Variants in SLC8A3 observed in about 807,000 individuals in gnomAD.
SLC8A3 encodes the protein sodium/calcium exchanger 3.
Under a neutral mutation model 65.4 loss-of-function variants are expected in SLC8A3, and 37 were observed. That is an observed-to-expected ratio of 0.57 (90% CI 0.44 to 0.74). The LOEUF is 0.74. SLC8A3 is among the 30% of genes least tolerant of loss of function. The probability of loss-of-function intolerance (pLI) is 0.00; values close to 1 mark genes in which losing one functional copy is unlikely to be tolerated. For missense variants in SLC8A3, 1,112 were observed against 1,172.1 expected, an observed-to-expected ratio of 0.95 and a Z score of 0.75; for synonymous variants, 461 against 444.5, an observed-to-expected ratio of 1.04 and a Z score of -0.47.
At chr14:70,092,797 T>G (rs1351004405) in intron 2 of SLC8A3, among the ~76,000 whole-genome samples, 1 of 152,204 alleles carries the variant, frequency 6.6e-6, no homozygotes, top group East Asian at 1.9e-4. Context: ...ATTCCTGGTT[T>G]TCATCATCCC....
At chr14:70,139,556 C>T (rs1465278034) in intron 2 of SLC8A3, among the ~76,000 whole-genome samples, 1 of 152,120 alleles carries the variant, frequency 6.6e-6, no homozygotes, top group Non-Finnish European at 1.5e-5. Flanking sequence ...GGAACAGTAG[C>T]GTAAGGTATC....
At chr14:70,171,016 A>T (rs1378163238) in intron 1 of SLC8A3, among the ~76,000 whole-genome samples, 6 of 152,190 alleles carry the variant, frequency 3.9e-5, no homozygotes, top group Non-Finnish European at 5.9e-5. Context: ...ATTCATTCAG[A>T]GGTTTGACAC....
intron 1 of SLC8A3, among the ~76,000 whole-genome samples, chr14:70,180,402 A>T (rs969032596): frequency 6.6e-6 from 1 of 152,158 alleles, no homozygotes; most frequent in African/African-American, 2.4e-5. Context: ...AACTCTAGGG[A>T]TGCTCTGGGT....
intron 2 of SLC8A3, among the ~76,000 whole-genome samples, chr14:70,063,181 C>A (rs1404296068): frequency 6.6e-6 from 1 of 152,158 alleles, no homozygotes; most frequent in Non-Finnish European, 1.5e-5. Context: ...CATAGGAAGA[C>A]AAATGGATAT....
At chr14:70,055,447 T>C (rs1887994949) in intron 3 of SLC8A3, among the ~76,000 whole-genome samples, 1 of 152,208 alleles carries the variant, frequency 6.6e-6, no homozygotes, top group South Asian at 2.1e-4. Flanking sequence ...TGAATCTCAC[T>C]GTCTCTTCCC....
At chr14:70,174,495 G>A (rs1897742219) in intron 1 of SLC8A3, among the ~76,000 whole-genome samples, 3 of 152,002 alleles carry the variant, frequency 2.0e-5, no homozygotes, top group Admixed American at 2.0e-4. Flanking sequence ...GATGGGCCCA[G>A]AGCCACGTGA....
rs12587012 is a variant in SLC8A3, at chr14:70,138,995, T to C, written c.1784+27644A>G. Among the ~76,000 whole-genome samples the C allele has an allele frequency of 0.022, 3,346 of 152,308 alleles. 386 individuals are homozygous for C. In the East Asian group the frequency reaches 0.37, roughly 17 times the overall value. On this transcript the variant is annotated intron_variant, in intron 2 of 6. Coordinates refer to ENST00000356921, the MANE Select transcript of SLC8A3 (RefSeq NM_182932.3). ...TTTAATGGGATGTTGGATGGAACTT[T>C]TCCTGCTGTCCCAATGTTGGCAATT...
At chr14:70,113,938 C>T (rs904703194) in intron 2 of SLC8A3, among the ~76,000 whole-genome samples, 6 of 151,994 alleles carry the variant, frequency 3.9e-5, no homozygotes, top group Non-Finnish European at 7.4e-5. Context: ...CAGGTGTTCA[C>T]GGAATTTTCT....
At position 70,182,674 on chromosome 14, in the gene SLC8A3, A is replaced by G. The variant is rs138811070; in HGVS notation, c.-63+5705T>C. ...AGAAGGTGGAGAAAAGTGGGAAGTG[A>G]GTGGATGAGTGATGAGAAAATAGGG... On this transcript the variant is annotated intron_variant, in intron 1 of 6. Coordinates refer to ENST00000356921, the MANE Select transcript of SLC8A3 (RefSeq NM_182932.3). Among the ~76,000 whole-genome samples, 240 of 152,260 alleles carry G rather than the reference A, an allele frequency of 1.6e-3. 1 individual carries two copies. The highest frequency in any genetic ancestry group is 5.6e-3 in the African/African-American group (233 of 41,532).
At chr14:70,174,864 G>A (rs563773541) in intron 1 of SLC8A3, among the ~76,000 whole-genome samples, 4 of 152,156 alleles carry the variant, frequency 2.6e-5, no homozygotes, top group South Asian at 2.1e-4. Context: ...TGCTCTAAGC[G>A]CTCAGGTTGG....
At chr14:70,078,852 T>C (rs1890777014) in intron 2 of SLC8A3, among the ~76,000 whole-genome samples, 3 of 152,164 alleles carry the variant, frequency 2.0e-5, no homozygotes, top group South Asian at 4.1e-4. Context: ...ATCTGCAGGG[T>C]CTACCAATCA....
At chr14:70,137,606 C>T (rs1331848233) in intron 2 of SLC8A3, among the ~76,000 whole-genome samples, 1 of 152,120 alleles carries the variant, frequency 6.6e-6, no homozygotes, top group Non-Finnish European at 1.5e-5. Flanking sequence ...TATCAAGGTG[C>T]AAATGTGGTT....
chr14:70,060,872 G>C lies in SLC8A3; in HGVS notation c.1852C>G (p.Leu618Val). 6.5e-7 allele frequency: 1 copy of C among 1,533,036 alleles called. No individual in the cohort carries two copies. The highest frequency in any genetic ancestry group is 2.2e-5 in the East Asian group (1 of 44,564). The allele number at this position is 1,533,036 out of a possible 1,614,324, so 95.0% of individuals were successfully genotyped here. A position where few individuals can be genotyped will look rare whatever the true frequency, so the allele number is the denominator to read the frequency against. ...YERQENFFIA[L>V]GEPKWMERGI... Reference sequence around the variant, plus strand: ...CGTTCCATCCATTTCGGTTCACCAAGGGCAATGAAGAAATTCTCTTGCCTT... The same window carrying C: ...CGTTCCATCCATTTCGGTTCACCAACGGCAATGAAGAAATTCTCTTGCCTT... Residue 618 changes from leucine to valine, a missense_variant, in exon 3 of 7, where the codon CTT becomes GTT. By Grantham distance (32) the Leu-to-Val change is conservative. Coordinates refer to ENST00000356921, the MANE Select transcript of SLC8A3 (RefSeq NM_182932.3).
intron 2 of SLC8A3, among the ~76,000 whole-genome samples, chr14:70,156,098 G>A (rs1037370486): frequency 1.3e-5 from 2 of 152,166 alleles, no homozygotes; most frequent in Non-Finnish European, 2.9e-5. Context: ...AAAAAGGCCT[G>A]CGGTGGGGAG....
chr14:70,178,981 C>G (rs948645253), intron 1 of SLC8A3, among the ~76,000 whole-genome samples: 9 of 152,182 alleles, frequency 5.9e-5, no homozygotes, highest in East Asian at 1.9e-4. Flanking sequence ...CATCTAGCTT[C>G]TAACTTGCTG....
At chr14:70,068,510 TG>T (rs1418637161) in intron 2 of SLC8A3, among the ~76,000 whole-genome samples, 1 of 152,042 alleles carries the variant, frequency 6.6e-6, no homozygotes, top group African/African-American at 2.4e-5. Flanking sequence ...CTTGAGTAGC[TG>T]GGGCCACGGG....
intron 2 of SLC8A3, among the ~76,000 whole-genome samples, chr14:70,108,719 T>G (rs1893056563): frequency 6.6e-6 from 1 of 152,242 alleles, no homozygotes; most frequent in African/African-American, 2.4e-5. Context: ...TAAAGTAGCT[T>G]TAAAATAGCA....
intron 2 of SLC8A3, among the ~76,000 whole-genome samples, chr14:70,062,706 AT>A (rs2139843237): frequency 6.6e-6 from 1 of 152,310 alleles, no homozygotes; most frequent in Non-Finnish European, 1.5e-5. Context: ...TTCTTTTGAC[AT>A]CTTTTTATAC....
chr14:70,123,740 G>T (rs533554387), intron 2 of SLC8A3, among the ~76,000 whole-genome samples: 2 of 152,114 alleles, frequency 1.3e-5, no homozygotes, highest in Non-Finnish European at 1.5e-5. Flanking sequence ...GTGAGCCACC[G>T]TGCCCAGCCC....
Sources: allele counts gnomAD v4.1 joint callset (sites outside exome capture counted in the v4.1 genomes callset), GRCh38; gene constraint gnomAD v4.1.1; transcripts MANE v1.5; gene names NCBI Gene and HGNC (gene_info 2026-07-23, HGNC 2026-07-21).